PATJ: variants seen among roughly 807,000 people sequenced by gnomAD.
PATJ encodes inaD-like protein.
A neutral mutation model predicts 224.9 loss-of-function variants in PATJ; 190 were observed. The ratio of observed to expected loss-of-function variants is 0.84; its 90% CI spans 0.75 to 0.95. The LOEUF is 0.95. Among genes scored for constraint, PATJ ranks in the 40% least tolerant of loss-of-function variants. The pLI is 0.00. For synonymous variants in PATJ, 769 were observed against 820.3 expected (o/e 0.94, Z 1.07); for missense variants, 2,121 against 2,270.3 (o/e 0.93, Z 1.34).
At chr1:61,914,098 A>C (rs1673076347) in intron 25 of PATJ, among the ~76,000 whole-genome samples, 1 of 152,188 alleles carries the variant, frequency 6.6e-6, no homozygotes, top group African/African-American at 2.4e-5. Flanking sequence ...TACTTCTCAT[A>C]CTTTTACTCT....
rs202091739 is a variant in PATJ, at chr1:61,766,258, CT to C, written c.190-12del. ...ATTTTTCTATAGATTTCTGTTGATTCTTTTTTTTTCTCTCCAACAGCTCAAC... is the reference window on the plus strand; with the variant it reads ...ATTTTTCTATAGATTTCTGTTGATTCTTTTTTTTCTCTCCAACAGCTCAAC... On this transcript the variant is annotated intron_variant, in intron 3 of 43. Transcript: ENST00000642238. 6.0e-4 allele frequency: 747 copies of C among 1,251,962 alleles called. 3 individuals carry two copies. In the African/African-American group the frequency reaches 8.9e-3, roughly 15 times the overall value. The allele number at this position is 1,251,962 out of a possible 1,614,324, so 77.6% of individuals were successfully genotyped here. A position where few individuals can be genotyped will look rare whatever the true frequency, so the allele number is the denominator to read the frequency against.
At chr1:61,896,033 A>G (rs1474000603) in intron 22 of PATJ, among the ~76,000 whole-genome samples, 1 of 152,178 alleles carries the variant, frequency 6.6e-6, no homozygotes, top group East Asian at 1.9e-4. Flanking sequence ...GCGGTTGCTG[A>G]CGCCTATAAT....
chr1:61,814,059 A>C (rs1655507178), intron 14 of PATJ, among the ~76,000 whole-genome samples: 1 of 151,312 alleles, frequency 6.6e-6, no homozygotes, highest in South Asian at 2.1e-4. Context: ...TGTGGCAAAA[A>C]GTTGCTTTTC....
intron 38 of PATJ, among the ~76,000 whole-genome samples, chr1:62,121,986 G>A (rs922603203): frequency 6.6e-6 from 1 of 152,064 alleles, no homozygotes; most frequent in African/African-American, 2.4e-5. Flanking sequence ...ATCCTTGGGG[G>A]CAGGGTGGGA....
intron 31 of PATJ, among the ~76,000 whole-genome samples, chr1:62,068,991 G>T (rs1254148924): frequency 1.3e-5 from 2 of 152,066 alleles, no homozygotes; most frequent in Non-Finnish European, 2.9e-5. Flanking sequence ...TGTAATAATT[G>T]GGCAATTAGC....
At chr1:61,839,428 T>G (rs141984695) in intron 17 of PATJ, among the ~76,000 whole-genome samples, 1,654 of 152,266 alleles carry the variant, frequency 0.011, 20 homozygotes, top group Admixed American at 0.033. Flanking sequence ...ATTGCAAATT[T>G]AAGAATCCTA....
chr1:62,125,272 AAAC>A (rs1451295482), intron 39 of PATJ, among the ~76,000 whole-genome samples: 4 of 149,022 alleles, frequency 2.7e-5, no homozygotes, highest in African/African-American at 1.0e-4. Context: ...AACAAAAAAA[AAAC>A]GCCATTAGCT....
At chr1:62,092,395 G>A (rs921527735) in intron 33 of PATJ, among the ~76,000 whole-genome samples, 1 of 151,528 alleles carries the variant, frequency 6.6e-6, no homozygotes, top group Admixed American at 6.6e-5. Context: ...AAAAAAAAAT[G>A]TGATTCAAGC....
At position 61,742,863 on chromosome 1, in the gene PATJ, A is replaced by T. The variant is rs1644832400; in HGVS notation, c.-36+308A>T. 2.0e-5 allele frequency among the ~76,000 whole-genome samples: 3 copies of T among 151,060 alleles called. No homozygotes were observed. In the East Asian group the frequency reaches 5.9e-4, roughly 30 times the overall value. On this transcript the variant is annotated intron_variant, in intron 1 of 43. Coordinates refer to ENST00000642238, the MANE Select transcript of PATJ (RefSeq NM_001350145.3). ...CACGGTGGTCCCCGCCCCGCCGCGC[A>T]GGGCTCGCCGAGGCCGCGGGCAGGG...
At chr1:61,788,013 G>C in intron 8 of PATJ, 41 bp downstream of exon 8, 1 of 1,479,108 alleles carries the variant, frequency 6.8e-7, no homozygotes, top group Non-Finnish European at 9.4e-7. Context: ...ACCAAAGCCT[G>C]GGTGTGACAC....
At chr1:61,901,561 T>G in intron 24 of PATJ, 102 bp downstream of exon 24, 1 of 783,750 alleles carries the variant, frequency 1.3e-6, no homozygotes, top group East Asian at 3.1e-5. Flanking sequence ...GGACCGTGTG[T>G]GTACAGTTGG....
intron 27 of PATJ, among the ~76,000 whole-genome samples, chr1:61,938,655 G>C (rs1001051984): frequency 2.0e-5 from 3 of 152,022 alleles, no homozygotes; most frequent in African/African-American, 7.3e-5. Context: ...TCTGAGACCA[G>C]CCTGGACAAC....
intron 28 of PATJ, 120 bp downstream of exon 28, chr1:61,990,484 A>G: frequency 1.6e-6 from 1 of 617,706 alleles, no homozygotes; most frequent in Non-Finnish European, 2.5e-6. Context: ...TCAACTACTT[A>G]AAATCATTTT....
intron 17 of PATJ, among the ~76,000 whole-genome samples, chr1:61,840,328 T>A (rs1421212692): frequency 6.6e-6 from 1 of 152,016 alleles, no homozygotes; most frequent in African/African-American, 2.4e-5. Context: ...AGGTAATACA[T>A]ACATATGGCA....
At chr1:61,963,182 A>G (rs2149433143) in intron 27 of PATJ, among the ~76,000 whole-genome samples, 1 of 152,358 alleles carries the variant, frequency 6.6e-6, no homozygotes, top group Middle Eastern at 3.4e-3. Context: ...AAATCTCCCA[A>G]AACTTTACTA....
intron 41 of PATJ, among the ~76,000 whole-genome samples, chr1:62,136,659 GTGTGTC>G (rs771035812): frequency 0.33 from 16,934 of 51,356 alleles, 1,044 homozygotes; most frequent in Admixed American, 0.44. Context: ...GTGTGTGTGT[GTGTGTC>G]TGTGTGTGTG....
chr1:62,049,782 C>T (rs1007962600), intron 30 of PATJ, among the ~76,000 whole-genome samples: 4 of 152,114 alleles, frequency 2.6e-5, no homozygotes, highest in African/African-American at 4.8e-5. Context: ...AAAACAAGTA[C>T]TCAGTGCATT....
intron 29 of PATJ, among the ~76,000 whole-genome samples, chr1:62,033,711 C>G (rs1439418687): frequency 6.6e-6 from 1 of 152,178 alleles, no homozygotes; most frequent in Non-Finnish European, 1.5e-5. Context: ...TGGCCGACTA[C>G]AGGCAGCACA....
At chr1:62,076,563 A>G (rs992527372) in intron 31 of PATJ, among the ~76,000 whole-genome samples, 2 of 152,328 alleles carry the variant, frequency 1.3e-5, no homozygotes, top group South Asian at 4.1e-4. Flanking sequence ...CTCTATGTAT[A>G]TATGTTTGGA....
Sources: gnomAD v4.1 joint callset for allele counts (sites outside exome capture counted in the v4.1 genomes callset) on GRCh38, gnomAD v4.1.1 for gene constraint, MANE v1.5 for transcripts, NCBI Gene and HGNC (gene_info 2026-07-23, HGNC 2026-07-21) for gene names.